The following MPPED1 variants were observed in gnomAD, a reference collection of about 807,000 sequenced individuals.
MPPED1 encodes the protein metallophosphoesterase domain-containing protein 1.
In MPPED1, 16 loss-of-function variants were observed where a neutral mutation model predicts 36.2. The observed-to-expected ratio is 0.44, with a 90% CI of 0.30 to 0.67. The LOEUF is 0.67. MPPED1 is among the 30% of genes least tolerant of loss of function. MPPED1 has a pLI of 0.10. For synonymous variants in MPPED1, 199 were observed against 191.3 expected, an observed-to-expected ratio of 1.04 and a Z score of -0.33; for missense variants, 307 against 453.4, an observed-to-expected ratio of 0.68 and a Z score of 2.93.
At chr22:43,414,517 C>G (rs552517814) in intron 1 of MPPED1, among the ~76,000 whole-genome samples, 52 of 152,160 alleles carry the variant, frequency 3.4e-4, no homozygotes, top group Non-Finnish European at 6.9e-4. Context: ...GGCCTGTGAA[C>G]TGATCATGAA....
At chr22:43,495,929 G>GTGA (rs1932312873) in intron 4 of MPPED1, among the ~76,000 whole-genome samples, 1 of 103,908 alleles carries the variant, frequency 9.6e-6, no homozygotes, top group Non-Finnish European at 2.0e-5. Flanking sequence ...GGTGGTGGAG[G>GTGA]TGATGGTGGA....
Position 43,505,723 on chromosome 22 carries a change from G to A in MPPED1, c.*107G>A, listed in dbSNP as rs987010980. ...GCCTGGACGACCCATCTGGCTGCGG[G>A]GACTGGCCTAGCAGGCAGGTCAGGG... On this transcript the variant is annotated 3_prime_UTR_variant, in exon 7 of 7. Transcript: ENST00000443721. 1.6e-5 allele frequency: 16 copies of A among 1,003,034 alleles called. No homozygotes were observed. The highest frequency in any genetic ancestry group is 4.8e-5 in the African/African-American group (3 of 62,694). The allele number at this position is 1,003,034 out of a possible 1,614,324, so 62.1% of individuals were successfully genotyped here.
At chr22:43,413,611 G>T (rs982980961) in intron 1 of MPPED1, among the ~76,000 whole-genome samples, 1 of 152,196 alleles carries the variant, frequency 6.6e-6, no homozygotes, top group Non-Finnish European at 1.5e-5. Flanking sequence ...GGAGCCAGGC[G>T]CAGTCTGCAG....
chr22:43,494,919 G>A (rs1487001608), intron 4 of MPPED1, among the ~76,000 whole-genome samples: 1 of 152,128 alleles, frequency 6.6e-6, no homozygotes, highest in Non-Finnish European at 1.5e-5. Context: ...CTTACATAGT[G>A]GAAGGAGCAA....
chr22:43,420,165 A>G (rs1277322130), intron 1 of MPPED1, among the ~76,000 whole-genome samples: 1 of 152,168 alleles, frequency 6.6e-6, no homozygotes, highest in Non-Finnish European at 1.5e-5. Context: ...TGACTTTCCC[A>G]GTGTCCTACC....
At chr22:43,449,071 TAA>T (rs1274202051) in intron 3 of MPPED1, among the ~76,000 whole-genome samples, 2 of 151,928 alleles carry the variant, frequency 1.3e-5, no homozygotes, top group Non-Finnish European at 2.9e-5. Context: ...TAGGACTAAC[TAA>T]AAAAAAGTCC....
intron 3 of MPPED1, among the ~76,000 whole-genome samples, chr22:43,440,738 C>A (rs901720191): frequency 6.6e-6 from 1 of 152,090 alleles, no homozygotes; most frequent in Admixed American, 6.5e-5. Flanking sequence ...CACCCCTAGC[C>A]CCCACAGCCT....
intron 2 of MPPED1, among the ~76,000 whole-genome samples, chr22:43,428,310 A>G (rs932169267): frequency 1.3e-5 from 2 of 152,164 alleles, no homozygotes; most frequent in African/African-American, 4.8e-5. Flanking sequence ...ACTCCGAGGC[A>G]GCTGGGGTTT....
intron 3 of MPPED1, among the ~76,000 whole-genome samples, chr22:43,435,628 T>A (rs1929932568): frequency 6.6e-6 from 1 of 152,152 alleles, no homozygotes; most frequent in Non-Finnish European, 1.5e-5. Context: ...GGGCTGAGGC[T>A]GGTGGATCAC....
At chr22:43,485,804 C>G (rs1931895253) in intron 4 of MPPED1, among the ~76,000 whole-genome samples, 1 of 152,244 alleles carries the variant, frequency 6.6e-6, no homozygotes, top group Admixed American at 6.5e-5. Context: ...TTAGGAATGA[C>G]AAAGGACCCT....
intron 3 of MPPED1, among the ~76,000 whole-genome samples, chr22:43,458,082 C>T (rs1487270701): frequency 6.6e-6 from 1 of 152,076 alleles, no homozygotes; most frequent in African/African-American, 2.4e-5. Flanking sequence ...ATAGGCTGTA[C>T]TGTATAGCTT....
intron 4 of MPPED1, among the ~76,000 whole-genome samples, chr22:43,488,474 A>C (rs1244809857): frequency 6.6e-6 from 1 of 152,200 alleles, no homozygotes; most frequent in Admixed American, 6.5e-5. Flanking sequence ...ACGCTTCAGC[A>C]GGAGACTGTT....
rs1458508064 is a variant in MPPED1, at chr22:43,500,202, A to G, written c.748+1852A>G. On this transcript the variant is annotated intron_variant, in intron 5 of 6. Transcript: ENST00000443721. ...GGTGGTGATGGTGATGGAGGTGGTAATGGAGGTGGTGGGGGTGATGGTGGA... is the reference window on the plus strand; with the variant it reads ...GGTGGTGATGGTGATGGAGGTGGTAGTGGAGGTGGTGGGGGTGATGGTGGA... Among the ~76,000 whole-genome samples, 31 of 18,404 alleles carry G rather than the reference A, an allele frequency of 1.7e-3. 3 individuals are homozygous for G. The highest frequency in any genetic ancestry group is 2.3e-3 in the African/African-American group (7 of 3,012). The allele number at this position is 18,404 out of a possible 152,430, so 12.1% of individuals were successfully genotyped here.
intron 3 of MPPED1, among the ~76,000 whole-genome samples, chr22:43,448,619 T>C (rs1337484938): frequency 1.5e-5 from 2 of 134,724 alleles, no homozygotes; most frequent in African/African-American, 2.7e-5. Context: ...TATTTATTTA[T>C]TGAGACAGAG....
Position 43,474,613 on chromosome 22 carries a change from G to A in MPPED1, c.407-123G>A. ...CAAGATCGTGATCGCGGGCAACCAC[G>A]AGCTGACCTTTGACCAGGAGTTCAT... On this transcript the variant is annotated intron_variant, in intron 3 of 6. Transcript: ENST00000443721. This position sits in a 1 kb window ranked among gnomAD's most constrained non-coding sequence, Gnocchi z 5.2. The A allele has an allele frequency of 6.5e-7, 1 of 1,549,904 alleles. No homozygotes were observed.
rs1932602560 is a variant in MPPED1, at chr22:43,499,921, TGGTGGTGATGGTGGA to T, written c.748+1579_748+1593del. On this transcript the variant is annotated intron_variant, in intron 5 of 6. Transcript: ENST00000443721. ...GTGGTGGTGATGGTGATGGAGGTGGTGGTGGTGATGGTGGAGGTGGTGGTGGTGGTGGTGATGGAG... is the reference window on the plus strand; with the variant it reads ...GTGGTGGTGATGGTGATGGAGGTGGTGGTGGTGGTGGTGGTGGTGATGGAG... 4.5e-5 allele frequency among the ~76,000 whole-genome samples: 4 copies of T among 89,170 alleles called. 1 individual carries two copies. The highest frequency in any genetic ancestry group is 1.6e-4 in the African/African-American group (3 of 18,984). The allele number at this position is 89,170 out of a possible 152,430, so 58.5% of individuals were successfully genotyped here.
rs572007224 is a variant in MPPED1 at position 43,472,598 on chromosome 22, A to G, written c.407-2138A>G. ...AGAGTTGATAAATCCCGAAGAAGAA[A>G]GAGCAGTGCTTTCTTTCTCAAACCT... On this transcript the variant is annotated intron_variant, in intron 3 of 6. Coordinates refer to ENST00000443721, the MANE Select transcript of MPPED1 (RefSeq NM_001044370.2). Among the ~76,000 whole-genome samples the G allele has an allele frequency of 2.6e-5, 4 of 152,350 alleles. No homozygotes were observed. In the South Asian group the frequency reaches 8.3e-4, roughly 32 times the overall value.
At chr22:43,493,962 G>C (rs148080446) in intron 4 of MPPED1, among the ~76,000 whole-genome samples, 3 of 152,140 alleles carry the variant, frequency 2.0e-5, no homozygotes, top group Non-Finnish European at 4.4e-5. Context: ...GAGGCTAGAA[G>C]CCTAGAGAGG....
intron 3 of MPPED1, among the ~76,000 whole-genome samples, chr22:43,466,109 T>A (rs918590632): frequency 3.9e-5 from 6 of 152,240 alleles, no homozygotes; most frequent in Admixed American, 3.9e-4. Context: ...TTCCTGTTTT[T>A]AAAACATTTC....
Sources: gnomAD v4.1 joint callset for allele counts (sites outside exome capture counted in the v4.1 genomes callset) on GRCh38, gnomAD v4.1.1 for gene constraint, Gnocchi (gnomAD v3.1) non-coding constraint, MANE v1.5 for transcripts, NCBI Gene and HGNC (gene_info 2026-07-23, HGNC 2026-07-21) for gene names.